NTM: variants seen among roughly 807,000 people sequenced by gnomAD.
NTM encodes the protein IgLON family member 2.
In NTM, 13 loss-of-function variants were observed where a neutral mutation model predicts 42.1. The observed-to-expected ratio is 0.31, with a 90% confidence interval of 0.20 to 0.49. The LOEUF is 0.49. NTM is among the 20% of genes least tolerant of loss of function. The pLI is 0.99. For synonymous variants in NTM, 187 were observed against 179.2 expected (o/e 1.04, Z -0.35); for missense variants, 373 against 452.8 (o/e 0.82, Z 1.60).
chr11:131,400,543 T>C lies in NTM; in HGVS notation c.82+29655T>C, dbSNP rs139544204. Among the ~76,000 whole-genome samples the C allele has an allele frequency of 3.4e-3, 512 of 152,326 alleles. 2 individuals carry two copies. The highest frequency in any genetic ancestry group is 5.2e-3 in the Non-Finnish European group (355 of 68,026). Reference sequence around the variant, plus strand: ...ATTTATTTACTGTCTCTCCCAGCTTTGGTTTTGTCAACTATTAGATGATTT... The same window carrying C: ...ATTTATTTACTGTCTCTCCCAGCTTCGGTTTTGTCAACTATTAGATGATTT... On this transcript the variant is annotated intron_variant, in intron 1 of 8. Transcript: ENST00000683400.
chr11:132,329,015 A>G (rs1193842391), intron 7 of NTM, among the ~76,000 whole-genome samples: 1 of 152,194 alleles, frequency 6.6e-6, no homozygotes, highest in Non-Finnish European at 1.5e-5. Context: ...GTGGCTTCTC[A>G]GGGCCGCTAA....
At chr11:131,389,944 G>A (rs1173773336) in intron 1 of NTM, among the ~76,000 whole-genome samples, 1 of 152,204 alleles carries the variant, frequency 6.6e-6, no homozygotes, top group Admixed American at 6.5e-5. Context: ...CACTGGTTTG[G>A]AGTTCCAGAT....
rs1162205202 is a variant in NTM, at chr11:132,134,759, A to C, written c.168-11523A>C. Among the ~76,000 whole-genome samples, 827 of 94,360 alleles carry C rather than the reference A, an allele frequency of 8.8e-3. 39 individuals carry two copies. The highest frequency in any genetic ancestry group is 0.023 in the African/African-American group (609 of 26,586). 61.9% of individuals were successfully genotyped at this position (94,360 alleles called of 152,430 possible). On this transcript the variant is annotated intron_variant, in intron 2 of 8. Transcript: ENST00000683400. ...TATATATATATATATATATATATAT[A>C]TCTCACATTTTCTTTATCTATTCAT...
Position 131,841,417 on chromosome 11 carries a change from A to G in NTM, c.83-70147A>G, listed in dbSNP as rs76211002. ...TGTTAGAGCTACAACGGCAAATAAG[A>G]TCATTTTTGCACTCAAAGAGCTCAC... On this transcript the variant is annotated intron_variant, in intron 1 of 8. Transcript: ENST00000683400. Among the ~76,000 whole-genome samples, 438 of 152,288 alleles carry G rather than the reference A, an allele frequency of 2.9e-3. 1 individual carries two copies. The highest frequency in any genetic ancestry group is 1.0e-2 in the African/African-American group (415 of 41,546).
intron 7 of NTM, among the ~76,000 whole-genome samples, chr11:132,328,061 G>T (rs1846732488): frequency 6.6e-6 from 1 of 152,054 alleles, no homozygotes; most frequent in Admixed American, 6.6e-5. Context: ...AGCTTTGGTG[G>T]CTCAAGCAAG....
chr11:131,804,744 C>A lies in NTM; in HGVS notation c.83-106820C>A, dbSNP rs187134813. On this transcript the variant is annotated intron_variant, in intron 1 of 8. Coordinates refer to ENST00000683400, the MANE Select transcript of NTM (RefSeq NM_001352005.2). ...GTTTGCATGTGTTTCCTGCAAAATT[C>A]ATGTGTCGAAGCTTAATCCCCACTG... Among the ~76,000 whole-genome samples, 39 of 152,272 alleles carry A rather than the reference C, an allele frequency of 2.6e-4. No homozygotes were observed. In the East Asian group the frequency reaches 6.6e-3, roughly 26 times the overall value.
intron 1 of NTM, among the ~76,000 whole-genome samples, chr11:131,492,676 G>A (rs902828415): frequency 5.3e-5 from 8 of 152,084 alleles, no homozygotes; most frequent in African/African-American, 1.9e-4. Flanking sequence ...TGCACAGTGG[G>A]TTCAGGGGAC....
intron 1 of NTM, chr11:131,536,487 A>G (rs543169417): frequency 3.5e-4 from 53 of 152,360 alleles, no homozygotes; most frequent in African/African-American, 1.2e-3. Context: ...AAGATAAACT[A>G]AAGTTTTTAT....
At chr11:131,476,257 C>A (rs1296196962) in intron 1 of NTM, among the ~76,000 whole-genome samples, 1 of 152,224 alleles carries the variant, frequency 6.6e-6, no homozygotes, top group Non-Finnish European at 1.5e-5. Flanking sequence ...TCCATGCTAT[C>A]TACAGACTAC....
intron 1 of NTM, among the ~76,000 whole-genome samples, chr11:131,809,731 C>T (rs927809964): frequency 4.6e-5 from 7 of 152,218 alleles, no homozygotes; most frequent in Non-Finnish European, 8.8e-5. Context: ...TTTCTGCTAA[C>T]GGCACCAATA....
intron 1 of NTM, among the ~76,000 whole-genome samples, chr11:131,734,222 C>T (rs1018307282): frequency 5.3e-5 from 8 of 152,104 alleles, no homozygotes; most frequent in Non-Finnish European, 1.0e-4. Context: ...CCTAGGTGAA[C>T]TGAGGCTGTC....
chr11:132,315,847 T>C (rs1354887171), intron 7 of NTM, among the ~76,000 whole-genome samples: 1 of 152,188 alleles, frequency 6.6e-6, no homozygotes. Flanking sequence ...AGCCAGTGGC[T>C]TGGAATGGGC....
intron 1 of NTM, among the ~76,000 whole-genome samples, chr11:131,475,680 C>T (rs1178224490): frequency 6.6e-6 from 1 of 152,006 alleles, no homozygotes; most frequent in Non-Finnish European, 1.5e-5. Flanking sequence ...TTATCACCCA[C>T]GAAGCCCTAC....
At chr11:132,229,316 T>A (rs2017038) in intron 4 of NTM, among the ~76,000 whole-genome samples, 75,742 of 151,978 alleles carry the variant, frequency 0.5, 19,454 homozygotes, top group African/African-American at 0.62. Flanking sequence ...TCACAGGTGC[T>A]CCCTAACGTG....
At chr11:132,138,251 G>GTAC (rs2068336130) in intron 2 of NTM, among the ~76,000 whole-genome samples, 1 of 152,118 alleles carries the variant, frequency 6.6e-6, no homozygotes. Flanking sequence ...ATAAAGCATG[G>GTAC]ACATCCTGCT....
intron 4 of NTM, among the ~76,000 whole-genome samples, chr11:132,235,027 C>A (rs2139098708): frequency 6.6e-6 from 1 of 152,326 alleles, no homozygotes; most frequent in Admixed American, 6.5e-5. Flanking sequence ...TGGTTCTCCC[C>A]TTTGCTGTGA....
intron 1 of NTM, among the ~76,000 whole-genome samples, chr11:131,493,204 A>G (rs1395693439): frequency 6.6e-6 from 1 of 152,088 alleles, no homozygotes; most frequent in Admixed American, 6.6e-5. Flanking sequence ...ACACCACTGC[A>G]CTCCAGCCTG....
intron 1 of NTM, among the ~76,000 whole-genome samples, chr11:131,560,769 G>A (rs1367551174): frequency 6.6e-6 from 1 of 152,124 alleles, no homozygotes; most frequent in Non-Finnish European, 1.5e-5. Context: ...TGTATTTGTT[G>A]AATCTATTAC....
chr11:132,036,821 A>C (rs977485736), intron 2 of NTM, among the ~76,000 whole-genome samples: 4 of 152,144 alleles, frequency 2.6e-5, no homozygotes, highest in Non-Finnish European at 4.4e-5. Flanking sequence ...CACATTCTGA[A>C]GATGTCTAAC....
Sources: gnomAD v4.1 joint callset for allele counts (sites outside exome capture counted in the v4.1 genomes callset) on GRCh38, gnomAD v4.1.1 for gene constraint, MANE v1.5 for transcripts, NCBI Gene and HGNC (gene_info 2026-07-23, HGNC 2026-07-21) for gene names.